CSMD1: variants seen among roughly 807,000 people sequenced by gnomAD.
CSMD1 encodes CUB and Sushi multiple domains 1, also known as CUB and sushi domain-containing protein 1.
A neutral mutation model predicts 417.5 loss-of-function variants in CSMD1; 213 were observed. The ratio of observed to expected loss-of-function variants is 0.51; its 90% CI spans 0.46 to 0.57. The LOEUF (loss-of-function observed/expected upper bound fraction) is 0.57. Among genes scored for constraint, CSMD1 ranks in the 20% least tolerant of loss-of-function variants. The probability of loss-of-function intolerance (pLI) is 0.00; values close to 1 mark genes in which losing one functional copy is unlikely to be tolerated. For synonymous variants in CSMD1, 2,862 were observed against 1,736.8 expected (o/e 1.65, Z -16.11); for missense variants, 6,923 against 4,529.7 (o/e 1.53, Z -15.17).
At chr8:4,018,934 C>T (rs527724756) in intron 4 of CSMD1, among the ~76,000 whole-genome samples, 96 of 152,260 alleles carry the variant, frequency 6.3e-4, no homozygotes, top group African/African-American at 2.0e-3. Flanking sequence ...CAAGAACATA[C>T]GTAAGGCATG....
At chr8:4,022,536 C>A (rs543170661) in intron 4 of CSMD1, among the ~76,000 whole-genome samples, 2 of 152,090 alleles carry the variant, frequency 1.3e-5, no homozygotes, top group Admixed American at 1.3e-4. Context: ...GAAACTGAGG[C>A]ACAAGAAGGT....
intron 8 of CSMD1, among the ~76,000 whole-genome samples, chr8:3,606,668 T>C (rs900914280): frequency 1.3e-5 from 2 of 151,864 alleles, no homozygotes; most frequent in Non-Finnish European, 2.9e-5. Flanking sequence ...CTTTCTTCAA[T>C]AATAAATTAA....
intron 3 of CSMD1, among the ~76,000 whole-genome samples, chr8:4,381,319 G>C (rs748864095): frequency 1.3e-5 from 2 of 152,034 alleles, no homozygotes; most frequent in Non-Finnish European, 2.9e-5. Flanking sequence ...AATTGCACTG[G>C]CTATTCATTC....
chr8:3,706,019 G>A (rs1801145747), intron 7 of CSMD1, among the ~76,000 whole-genome samples: 1 of 152,234 alleles, frequency 6.6e-6, no homozygotes, highest in South Asian at 2.1e-4. Context: ...TTCATGAGGT[G>A]CTGAAGAGGA....
chr8:4,697,795 A>G (rs936454111), intron 1 of CSMD1, among the ~76,000 whole-genome samples: 19 of 152,232 alleles, frequency 1.2e-4, no homozygotes, highest in African/African-American at 4.6e-4. Context: ...ATACACACAC[A>G]TTCTCATTCT....
At chr8:4,315,469 G>A (rs946883351) in intron 3 of CSMD1, among the ~76,000 whole-genome samples, 3 of 151,996 alleles carry the variant, frequency 2.0e-5, no homozygotes, top group Admixed American at 2.0e-4. Context: ...AATATTCCAA[G>A]GCCTGACTCA....
chr8:3,618,991 G>C (rs937964110), intron 7 of CSMD1, among the ~76,000 whole-genome samples: 1 of 152,108 alleles, frequency 6.6e-6, no homozygotes, highest in Non-Finnish European at 1.5e-5. Flanking sequence ...GGCATAATTG[G>C]GATCTCTGGC....
chr8:3,887,568 G>A (rs147202309), intron 5 of CSMD1, among the ~76,000 whole-genome samples: 338 of 152,270 alleles, frequency 2.2e-3, no homozygotes, highest in African/African-American at 8.0e-3. Context: ...TAGAATTCCT[G>A]TAGAGCAAGG....
At chr8:4,753,849 T>C (rs978046225) in intron 1 of CSMD1, among the ~76,000 whole-genome samples, 1 of 152,220 alleles carries the variant, frequency 6.6e-6, no homozygotes, top group African/African-American at 2.4e-5. Flanking sequence ...CTGTGATAAT[T>C]GAACTAGATT....
intron 46 of CSMD1, among the ~76,000 whole-genome samples, chr8:3,099,024 C>G (rs2129011764): frequency 6.6e-6 from 1 of 152,038 alleles, no homozygotes; most frequent in Admixed American, 6.6e-5. Flanking sequence ...ACTGCCGACA[C>G]TCCCCCCAAA....
intron 12 of CSMD1, among the ~76,000 whole-genome samples, chr8:3,410,299 G>C (rs1324398238): frequency 1.3e-5 from 2 of 151,976 alleles, no homozygotes; most frequent in Admixed American, 1.3e-4. Context: ...TGTGTGTCAG[G>C]TCCTGTTCTA....
chr8:4,332,453 G>C (rs1799919797), intron 3 of CSMD1, among the ~76,000 whole-genome samples: 1 of 151,886 alleles, frequency 6.6e-6, no homozygotes, highest in African/African-American at 2.4e-5. Flanking sequence ...GGTAAAAACA[G>C]TGTGTACTGT....
intron 26 of CSMD1, among the ~76,000 whole-genome samples, chr8:3,269,904 T>A (rs1268077587): frequency 1.7e-4 from 26 of 152,140 alleles, no homozygotes; most frequent in Non-Finnish European, 4.4e-5. Context: ...CTTTTTCTAG[T>A]GGAGAAAATT....
chr8:3,574,645 A>C (rs1477703103), intron 10 of CSMD1, among the ~76,000 whole-genome samples: 1 of 152,224 alleles, frequency 6.6e-6, no homozygotes. Flanking sequence ...CTTGTAATAT[A>C]GTGGATGAGA....
intron 2 of CSMD1, among the ~76,000 whole-genome samples, chr8:4,533,280 T>C (rs752338928): frequency 3.9e-5 from 6 of 152,166 alleles, no homozygotes; most frequent in Non-Finnish European, 7.4e-5. Context: ...TGCTCCCAAA[T>C]ATCATGCTGA....
At chr8:3,525,838 C>T (rs1797731168) in intron 10 of CSMD1, among the ~76,000 whole-genome samples, 1 of 152,036 alleles carries the variant, frequency 6.6e-6, no homozygotes, top group Non-Finnish European at 1.5e-5. Flanking sequence ...ATCAATAGCC[C>T]CCCAGGTCTC....
intron 1 of CSMD1, among the ~76,000 whole-genome samples, chr8:4,798,969 T>A (rs1464349903): frequency 6.6e-6 from 1 of 152,200 alleles, no homozygotes; most frequent in Non-Finnish European, 1.5e-5. Flanking sequence ...CTCTCCATGC[T>A]TCTGCACGCC....
At chr8:3,313,099 T>C (rs1805478070) in intron 23 of CSMD1, among the ~76,000 whole-genome samples, 1 of 152,208 alleles carries the variant, frequency 6.6e-6, no homozygotes, top group South Asian at 2.1e-4. Flanking sequence ...GAAAAGAATG[T>C]TTCCATGTTT....
At chr8:4,174,189 G>A (rs921139744) in intron 3 of CSMD1, among the ~76,000 whole-genome samples, 3 of 152,218 alleles carry the variant, frequency 2.0e-5, no homozygotes, top group East Asian at 1.9e-4. Context: ...AACTACTGAG[G>A]AAAACCCAGA....
Sources: allele counts gnomAD v4.1 joint callset (sites outside exome capture counted in the v4.1 genomes callset), GRCh38; gene constraint gnomAD v4.1.1; transcripts MANE v1.5; gene names NCBI Gene and HGNC (gene_info 2026-07-23, HGNC 2026-07-21).